The following SBF2 variants were observed in gnomAD, a reference collection of about 807,000 sequenced individuals.
SBF2 encodes the protein myotubularin-related protein 13.
SBF2 carries 112 observed loss-of-function variants against 225.2 expected under a neutral mutation model. That is an observed-to-expected ratio of 0.50 (90% CI 0.43 to 0.58). The LOEUF is 0.58. Ranked by LOEUF, SBF2 falls within the 20% of genes least tolerant of loss-of-function variation. The pLI, the probability that SBF2 is intolerant of heterozygous loss-of-function variation, is 0.00. For synonymous variants in SBF2, 763 were observed against 773.3 expected (o/e 0.99, Z 0.22); for missense variants, 1,996 against 2,206.2 (o/e 0.90, Z 1.91).
chr11:10,046,551 C>A (rs1190929783), intron 2 of SBF2, among the ~76,000 whole-genome samples: 3 of 151,420 alleles, frequency 2.0e-5, no homozygotes, highest in Non-Finnish European at 4.4e-5. Flanking sequence ...ATGCATTTGA[C>A]AAAATCCAAT....
intron 1 of SBF2, among the ~76,000 whole-genome samples, chr11:10,211,921 A>T (rs1290417102): frequency 6.6e-6 from 1 of 152,236 alleles, no homozygotes; most frequent in Non-Finnish European, 1.5e-5. Flanking sequence ...ATGTGGAACC[A>T]AATATACAAC....
intron 17 of SBF2, among the ~76,000 whole-genome samples, chr11:9,880,143 AT>A (rs1430173606): frequency 1.0e-4 from 15 of 149,356 alleles, no homozygotes; most frequent in Non-Finnish European, 1.9e-4. Context: ...TCAAATCCAG[AT>A]CTTTCTGTGG....
At chr11:10,140,514 G>A (rs966994121) in intron 2 of SBF2, among the ~76,000 whole-genome samples, 1 of 152,196 alleles carries the variant, frequency 6.6e-6, no homozygotes, top group Non-Finnish European at 1.5e-5. Flanking sequence ...GGGAAGCTCT[G>A]TGTCTCTCCC....
At chr11:10,074,440 A>C (rs34984386) in intron 2 of SBF2, among the ~76,000 whole-genome samples, 26,156 of 152,146 alleles carry the variant, frequency 0.17, 2,446 homozygotes, top group East Asian at 0.29. Flanking sequence ...ATCAAATGGA[A>C]AGACAAAAAT....
intron 2 of SBF2, among the ~76,000 whole-genome samples, chr11:10,167,036 A>G (rs1035951880): frequency 3.9e-5 from 6 of 152,014 alleles, no homozygotes; most frequent in Admixed American, 2.0e-4. Context: ...GCAACTGCTC[A>G]GTTACAGAAT....
intron 6 of SBF2, among the ~76,000 whole-genome samples, chr11:10,003,900 C>T (rs565140423): frequency 1.1e-4 from 17 of 152,174 alleles, no homozygotes; most frequent in African/African-American, 3.1e-4. Context: ...CAACTTTAAT[C>T]ATACACACCC....
Position 9,895,732 on chromosome 11 carries a change from C to T in SBF2, c.1929+211G>A, listed in dbSNP as rs77018801. ...AAGAAAATTAAGGAAAAGGATGTAA[C>T]GGGTGTGGGTGGTATTTTAGGAGAT... On this transcript the variant is annotated intron_variant, in intron 17 of 39. Coordinates refer to ENST00000256190, the MANE Select transcript of SBF2 (RefSeq NM_030962.4). Among the ~76,000 whole-genome samples the T allele has an allele frequency of 0.08, 12,092 of 151,946 alleles. 570 individuals are homozygous for T. The highest frequency in any genetic ancestry group is 0.1 in the Non-Finnish European group (6,859 of 67,948).
chr11:10,125,270 C>G (rs974900912), intron 2 of SBF2, among the ~76,000 whole-genome samples: 1 of 152,062 alleles, frequency 6.6e-6, no homozygotes, highest in African/African-American at 2.4e-5. Flanking sequence ...ACTCTCTCAA[C>G]AGACTACGAG....
At chr11:10,178,455 G>T (rs1346401174) in intron 2 of SBF2, among the ~76,000 whole-genome samples, 3 of 144,452 alleles carry the variant, frequency 2.1e-5, no homozygotes, top group Admixed American at 6.9e-5. Flanking sequence ...CTGACAAAGG[G>T]CTAATATCCA....
intron 16 of SBF2, among the ~76,000 whole-genome samples, chr11:9,910,890 C>CAA (rs68011518): frequency 0.03 from 2,844 of 93,566 alleles, 86 homozygotes; most frequent in African/African-American, 0.04. Context: ...TACTAAAATA[C>CAA]AAAAAAAAAA....
At chr11:10,254,271 G>A (rs1435217066) in intron 1 of SBF2, among the ~76,000 whole-genome samples, 1 of 151,888 alleles carries the variant, frequency 6.6e-6, no homozygotes, top group East Asian at 1.9e-4. Context: ...CTGTGTGACT[G>A]TGGTCCCAGC....
rs202116086 is a variant in SBF2, at chr11:9,845,743, A to G, written c.2935-3T>C. ...TCATCAAATGCTACCTTAATCAACT[A>G]GAAGCAAAAGAGATTAAACACAAAA... On this transcript the variant is annotated splice_polypyrimidine_tract_variant and splice_region_variant and intron_variant, in intron 23 of 39. Coordinates refer to ENST00000256190, the MANE Select transcript of SBF2 (RefSeq NM_030962.4). 6.2e-7 allele frequency: 1 copy of G among 1,613,502 alleles called. No individual in the cohort carries two copies. Among genetic ancestry groups the G allele is most frequent in the South Asian group, 1.1e-5 (1 of 91,064 alleles).
intron 16 of SBF2, among the ~76,000 whole-genome samples, chr11:9,908,736 C>T (rs1323929457): frequency 6.6e-6 from 1 of 151,948 alleles, no homozygotes; most frequent in Non-Finnish European, 1.5e-5. Flanking sequence ...CTCACTCTGT[C>T]CCCCAGGCTG....
In SBF2 at chr11:9,784,423, T is replaced by A; in HGVS notation, c.5247A>T (p.Thr1749=). The change falls in exon 38 of 40, where the codon ACA becomes ACT. Residue 1749 remains threonine, a synonymous_variant. Coordinates refer to ENST00000256190, the MANE Select transcript of SBF2 (RefSeq NM_030962.4). Reference sequence around the variant, plus strand: ...TCAGCAAAGCCCCTCTTTTATAAAGTGTTCCCTCAAAGGACCTAGAAGAAA... The same window carrying A: ...TCAGCAAAGCCCCTCTTTTATAAAGAGTTCCCTCAAAGGACCTAGAAGAAA... ...KNDENRSFEG[T]LYKRGALLKG... is the part of the protein sequence containing the mutation. 6.2e-7 allele frequency: 1 copy of A among 1,613,940 alleles called. No homozygotes were observed. Among genetic ancestry groups the A allele is most frequent in the Non-Finnish European group, 8.5e-7 (1 of 1,179,788 alleles).
At chr11:10,237,480 ACT>A (rs1565387960) in intron 1 of SBF2, among the ~76,000 whole-genome samples, 2 of 152,348 alleles carry the variant, frequency 1.3e-5, no homozygotes, top group East Asian at 3.9e-4. Flanking sequence ...CCCTGGGAAT[ACT>A]GCCCAGCCTC....
At position 9,778,938 on chromosome 11, in the gene SBF2, C is replaced by A. The variant is rs1851869972; in HGVS notation, c.*1480G>T. On this transcript the variant is annotated 3_prime_UTR_variant, in exon 40 of 40. Transcript: ENST00000256190. The stretch of plus-strand genomic sequence containing the variant: ...AATGGGCTCCATATTTTACAAAGTA[C>A]AAAAAATTATTTCATATACAAAGAA... The A allele has an allele frequency of 6.6e-6, 1 of 152,524 alleles. No individual in the cohort carries two copies. The highest frequency in any genetic ancestry group is 2.4e-5 in the African/African-American group (1 of 41,408). The allele number at this position is 152,524 out of a possible 1,614,324, so 9.4% of individuals were successfully genotyped here.
chr11:10,011,888 CA>C (rs1168107214), intron 6 of SBF2, among the ~76,000 whole-genome samples: 1 of 152,114 alleles, frequency 6.6e-6, no homozygotes, highest in Non-Finnish European at 1.5e-5. Flanking sequence ...TTAATGATTT[CA>C]ACAAATTTTG....
intron 16 of SBF2, among the ~76,000 whole-genome samples, chr11:9,927,537 T>G (rs557249412): frequency 6.6e-6 from 1 of 152,126 alleles, no homozygotes; most frequent in South Asian, 2.1e-4. Flanking sequence ...CTGGGCAAGA[T>G]AGCAAGTCCT....
chr11:9,785,419 C>CTAAT, intron 36 of SBF2, 101 bp from the exon 37 acceptor site: 2 of 956,004 alleles, frequency 2.1e-6, no homozygotes, highest in South Asian at 2.7e-5. Context: ...AAAAACTGGA[C>CTAAT]TAATAAGCAA....
Sources: gnomAD v4.1 joint callset for allele counts (sites outside exome capture counted in the v4.1 genomes callset) on GRCh38, gnomAD v4.1.1 for gene constraint, MANE v1.5 for transcripts, NCBI Gene and HGNC (gene_info 2026-07-23, HGNC 2026-07-21) for gene names.